The following TRPM7 variants were observed in gnomAD, a reference collection of about 807,000 sequenced individuals.
TRPM7 encodes LTRPC ion channel family member 7.
Under a neutral mutation model 229.7 loss-of-function variants are expected in TRPM7, and 134 were observed. The ratio of observed to expected loss-of-function variants is 0.58; its 90% CI spans 0.51 to 0.67. The LOEUF (loss-of-function observed/expected upper bound fraction) is 0.67. Among genes scored for constraint, TRPM7 ranks in the 30% least tolerant of loss-of-function variants. The pLI is 0.00. For missense variants in TRPM7, 1,901 were observed against 2,210.0 expected (o/e 0.86, Z 2.80); for synonymous variants, 699 against 715.2 (o/e 0.98, Z 0.36).
chr15:50,628,963 C>A (rs971231336), intron 10 of TRPM7, among the ~76,000 whole-genome samples: 1 of 152,052 alleles, frequency 6.6e-6, no homozygotes, highest in East Asian at 1.9e-4. Context: ...ACCTTGATAT[C>A]GTACCTTGGT....
At chr15:50,569,676 C>T (rs2053775781) in intron 38 of TRPM7, among the ~76,000 whole-genome samples, 1 of 152,114 alleles carries the variant, frequency 6.6e-6, no homozygotes, top group Non-Finnish European at 1.5e-5. Flanking sequence ...TCTGCAGACA[C>T]ATAATATATT....
chr15:50,629,859 C>T (rs1170436428), intron 10 of TRPM7, among the ~76,000 whole-genome samples: 3 of 106,518 alleles, frequency 2.8e-5, no homozygotes, highest in African/African-American at 3.5e-5. Context: ...TCTTTTTAAC[C>T]TTTTTTTTTT....
At chr15:50,601,632 A>T (rs1200525238) in intron 21 of TRPM7, among the ~76,000 whole-genome samples, 1 of 152,136 alleles carries the variant, frequency 6.6e-6, no homozygotes, top group Non-Finnish European at 1.5e-5. Context: ...ACACAGCGAG[A>T]CTCCATCTTA....
intron 25 of TRPM7, among the ~76,000 whole-genome samples, chr15:50,593,045 CT>C (rs1403417146): frequency 6.6e-6 from 1 of 152,084 alleles, no homozygotes; most frequent in Non-Finnish European, 1.5e-5. Flanking sequence ...AATCCCAGAA[CT>C]TTGGGAGGCT....
intron 8 of TRPM7, 126 bp from the exon 9 acceptor site, chr15:50,633,118 G>C: frequency 1.3e-6 from 1 of 767,072 alleles, no homozygotes; most frequent in South Asian, 3.8e-5. Flanking sequence ...CTTCACCTTG[G>C]GTGGGATTAT....
In TRPM7 at chr15:50,577,610, G is replaced by A. The variant is rs145978590; in HGVS notation, c.4618+1029C>T. Among the ~76,000 whole-genome samples, 30 of 152,216 alleles carry A rather than the reference G, an allele frequency of 2.0e-4. No individual in the cohort carries two copies. The East Asian group carries it at 3.1e-3, about 16-fold the overall frequency. The stretch of plus-strand genomic sequence containing the variant: ...ACATTGATGAGAAGCAAAACTACAG[G>A]CAGGGACCCCAAACTGGTATAACCA... On this transcript the variant is annotated intron_variant, in intron 31 of 38. Transcript: ENST00000646667.
At chr15:50,580,166 G>A (rs960330202) in intron 30 of TRPM7, among the ~76,000 whole-genome samples, 3 of 152,122 alleles carry the variant, frequency 2.0e-5, no homozygotes, top group Admixed American at 6.5e-5. Flanking sequence ...CCATATGACA[G>A]AATAACTCTA....
intron 12 of TRPM7, among the ~76,000 whole-genome samples, chr15:50,621,171 A>AAAC (rs1216121741): frequency 6.6e-6 from 1 of 151,408 alleles, no homozygotes; most frequent in Non-Finnish European, 1.5e-5. Context: ...AAAAAAAAAA[A>AAAC]AAAAAAAAAA....
At chr15:50,634,678 G>T (rs886935683) in intron 7 of TRPM7, 122 bp from the exon 8 acceptor site, 41 of 706,366 alleles carry the variant, frequency 5.8e-5, no homozygotes, top group Non-Finnish European at 7.4e-5. Flanking sequence ...AAATTAAAAA[G>T]TAAAAACATA....
At chr15:50,608,267 A>G (rs1328824410) in intron 19 of TRPM7, among the ~76,000 whole-genome samples, 2 of 149,792 alleles carry the variant, frequency 1.3e-5, no homozygotes, top group Non-Finnish European at 3.0e-5. Flanking sequence ...AAGTTTATGT[A>G]TAAATACATG....
chr15:50,671,001 T>A (rs189690291), intron 1 of TRPM7, among the ~76,000 whole-genome samples: 2 of 152,262 alleles, frequency 1.3e-5, no homozygotes, highest in East Asian at 3.9e-4. Context: ...CTACTATACA[T>A]TGCGGAATGG....
chr15:50,568,700 C>T (rs1273753087), intron 38 of TRPM7, among the ~76,000 whole-genome samples: 4 of 151,990 alleles, frequency 2.6e-5, no homozygotes, highest in South Asian at 2.1e-4. Flanking sequence ...AAGGGCTGGG[C>T]GTGGTGGCTC....
chr15:50,594,803 A>C (rs1244542327), intron 23 of TRPM7, among the ~76,000 whole-genome samples, 190 bp from the exon 24 acceptor site: 1 of 152,206 alleles, frequency 6.6e-6, no homozygotes, highest in Non-Finnish European at 1.5e-5. Context: ...ACTAACATTC[A>C]GCAGAAAAAA....
At position 50,615,606 on chromosome 15, in the gene TRPM7, TTA is replaced by T. The variant is rs568634096; in HGVS notation, c.1495-1345_1495-1344del. ...CATCACCATTTTTTTATTTCCCTGA[TTA>T]TGTCATGAACTTGTTTTTTTTAATG... On this transcript the variant is annotated intron_variant, in intron 13 of 38. Transcript: ENST00000646667. Among the ~76,000 whole-genome samples, 41 of 152,296 alleles carry T rather than the reference TTA, an allele frequency of 2.7e-4. 1 individual carries two copies. In the South Asian group the frequency reaches 5.4e-3, roughly 20 times the overall value.
intron 4 of TRPM7, among the ~76,000 whole-genome samples, chr15:50,647,110 T>A (rs571837481): frequency 6.6e-6 from 1 of 152,304 alleles, no homozygotes; most frequent in East Asian, 1.9e-4. Flanking sequence ...ATGCATTTTA[T>A]CACATTATCA....
intron 15 of TRPM7, among the ~76,000 whole-genome samples, 183 bp from the exon 16 acceptor site, chr15:50,613,012 C>A (rs1421888291): frequency 6.6e-6 from 1 of 152,038 alleles, no homozygotes; most frequent in East Asian, 1.9e-4. Flanking sequence ...GCTGTTTCAA[C>A]AAAAATGCCT....
chr15:50,586,525 T>G, intron 27 of TRPM7, 37 bp from the exon 28 acceptor site: 2 of 1,401,652 alleles, frequency 1.4e-6, no homozygotes, highest in Non-Finnish European at 2.0e-6. Flanking sequence ...TTGAAAATAA[T>G]TGAACTAAAT....
intron 36 of TRPM7, among the ~76,000 whole-genome samples, chr15:50,573,543 A>C (rs2053989073): frequency 6.6e-6 from 1 of 152,222 alleles, no homozygotes; most frequent in African/African-American, 2.4e-5. Context: ...TTTCTGAATG[A>C]AAGAACTATA....
At chr15:50,645,391 G>T (rs12905474) in intron 4 of TRPM7, among the ~76,000 whole-genome samples, 1 of 151,586 alleles carries the variant, frequency 6.6e-6, no homozygotes, top group East Asian at 1.9e-4. Flanking sequence ...ACAAAGTCCC[G>T]CTCTGTCGCC....
Sources: gnomAD v4.1 joint callset for allele counts (sites outside exome capture counted in the v4.1 genomes callset) on GRCh38, gnomAD v4.1.1 for gene constraint, MANE v1.5 for transcripts, NCBI Gene and HGNC (gene_info 2026-07-23, HGNC 2026-07-21) for gene names.